SFXN5: variants seen among roughly 807,000 people sequenced by gnomAD.
The protein encoded by SFXN5 is sideroflexin-5.
Under a neutral mutation model 50.2 loss-of-function variants are expected in SFXN5, and 43 were observed. The observed-to-expected ratio is 0.86, with a 90% CI of 0.67 to 1.11. The LOEUF (loss-of-function observed/expected upper bound fraction) is 1.11. Ranked by LOEUF, SFXN5 falls within the 50% of genes least tolerant of loss-of-function variation. The pLI is 0.00. For missense variants in SFXN5, 463 were observed against 454.1 expected, an observed-to-expected ratio of 1.02 and a Z score of -0.18; for synonymous variants, 203 against 185.8, an observed-to-expected ratio of 1.09 and a Z score of -0.75.
chr2:73,050,254 C>T (rs1169762704), intron 2 of SFXN5, among the ~76,000 whole-genome samples: 1 of 152,156 alleles, frequency 6.6e-6, no homozygotes, highest in African/African-American at 2.4e-5. Flanking sequence ...ACAGCCCTAT[C>T]CCCACAATGC....
chr2:73,036,734 G>C (rs949399303), intron 3 of SFXN5, among the ~76,000 whole-genome samples: 5 of 152,238 alleles, frequency 3.3e-5, no homozygotes, highest in Non-Finnish European at 7.3e-5. Context: ...CACATGGTCA[G>C]GAGGCCATAG....
chr2:72,966,086 TC>T (rs1034251389), intron 12 of SFXN5, among the ~76,000 whole-genome samples: 6 of 152,226 alleles, frequency 3.9e-5, no homozygotes, highest in African/African-American at 1.4e-4. Flanking sequence ...GCTCCCAGGC[TC>T]CCTCAGTTGC....
At position 73,022,573 on chromosome 2, in the gene SFXN5, T is replaced by C. The variant is rs1254996778; in HGVS notation, c.280A>G (p.Ile94Val). Residue 94 changes from isoleucine to valine, a missense_variant, in exon 5 of 14, where the codon ATT becomes GTT. Coordinates refer to ENST00000272433, the MANE Select transcript of SFXN5 (RefSeq NM_144579.3). ...LWSAQKIKQAILHPDTNEKIF... is the reference protein window; with the variant it reads ...LWSAQKIKQAVLHPDTNEKIF... Reference sequence around the variant, plus strand: ...TTCTCATTGGTGTCCGGATGTAGAATAGCCTGGCAAAAGCAGGAACAGAGA... The same window carrying C: ...TTCTCATTGGTGTCCGGATGTAGAACAGCCTGGCAAAAGCAGGAACAGAGA... 2.8e-6 allele frequency: 4 copies of C among 1,406,282 alleles called. No homozygotes were observed. The highest frequency in any genetic ancestry group is 1.6e-5 in the African/African-American group (1 of 61,612). The allele number at this position is 1,406,282 out of a possible 1,614,324, so 87.1% of individuals were successfully genotyped here.
intron 12 of SFXN5, among the ~76,000 whole-genome samples, chr2:72,966,553 A>G (rs1345905124): frequency 6.6e-6 from 1 of 152,146 alleles, no homozygotes; most frequent in Non-Finnish European, 1.5e-5. Flanking sequence ...TGCCATGCCC[A>G]TGCTCAGGTA....
chr2:73,035,487 C>T (rs965305303), intron 3 of SFXN5, among the ~76,000 whole-genome samples: 70 of 148,450 alleles, frequency 4.7e-4, no homozygotes, highest in Non-Finnish European at 9.4e-4. Context: ...TCATTGGTAT[C>T]GCAATCTTTT....
At position 72,968,655 on chromosome 2, in the gene SFXN5, G is replaced by T. The variant is rs543631428; in HGVS notation, c.742-122C>A. On this transcript the variant is annotated intron_variant, in intron 11 of 13. Coordinates refer to ENST00000272433, the MANE Select transcript of SFXN5 (RefSeq NM_144579.3). The stretch of plus-strand genomic sequence containing the variant: ...GTGTGTCTGAATGGCCTTATTCATG[G>T]GATTGCTCAGGAAGCTGCATTCCAA... 2.0e-4 allele frequency: 153 copies of T among 781,638 alleles called. No homozygotes were observed. In the African/African-American group the frequency reaches 2.5e-3, roughly 13 times the overall value. The allele number at this position is 781,638 out of a possible 1,614,324, so 48.4% of individuals were successfully genotyped here.
At chr2:73,023,114 A>T in intron 4 of SFXN5, 74 bp downstream of exon 4, 1 of 1,485,972 alleles carries the variant, frequency 6.7e-7, no homozygotes, top group Non-Finnish European at 9.2e-7. Context: ...GGCTTCCACT[A>T]GATCCCTGGG....
intron 9 of SFXN5, chr2:72,998,340 G>A (rs1673492679): frequency 6.6e-6 from 1 of 152,440 alleles, no homozygotes; most frequent in Admixed American, 6.5e-5. Flanking sequence ...GGCCTCCTCT[G>A]GGAAGCAGGG....
chr2:72,984,959 T>A (rs1404046433), intron 10 of SFXN5, among the ~76,000 whole-genome samples: 3 of 152,058 alleles, frequency 2.0e-5, no homozygotes, highest in Non-Finnish European at 4.4e-5. Flanking sequence ...TCTTGGGGAT[T>A]CCTTGTTCCC....
chr2:72,954,299 A>G (rs1672841448), intron 13 of SFXN5, among the ~76,000 whole-genome samples: 1 of 151,854 alleles, frequency 6.6e-6, no homozygotes, highest in African/African-American at 2.4e-5. Flanking sequence ...GCCCTGGGAG[A>G]CTCTTAGGCT....
At chr2:73,062,741 T>A (rs1259015547) in intron 1 of SFXN5, among the ~76,000 whole-genome samples, 1 of 151,664 alleles carries the variant, frequency 6.6e-6, no homozygotes, top group Non-Finnish European at 1.5e-5. Flanking sequence ...CTGATCAGAG[T>A]TTAAATGAAG....
At chr2:73,057,321 T>C (rs1056025412) in intron 2 of SFXN5, among the ~76,000 whole-genome samples, 2 of 152,136 alleles carry the variant, frequency 1.3e-5, no homozygotes, top group African/African-American at 2.4e-5. Flanking sequence ...TAAAATTTTG[T>C]AGAGACAAGT....
In SFXN5 at chr2:72,988,348, C is replaced by G; in HGVS notation, c.535G>C (p.Val179Leu). The G allele has an allele frequency of 1.2e-6, 2 of 1,613,386 alleles. No homozygotes were observed. Among genetic ancestry groups the G allele is most frequent in the Non-Finnish European group, 1.7e-6 (2 of 1,179,634 alleles). ...GAVISAVSIAVGLNVLVQKAN... is the reference protein window; with the variant it reads ...GAVISAVSIALGLNVLVQKAN... Reference sequence around the variant, plus strand: ...TTCTGAACCAGGACATTAAGGCCCACCTTTGAAAGAAAAAAATAAAAACAC... The same window carrying G: ...TTCTGAACCAGGACATTAAGGCCCAGCTTTGAAAGAAAAAAATAAAAACAC... The change falls in exon 10 of 14, where the codon GTG becomes CTG. Residue 179 changes from valine (V) to leucine (L), a missense_variant and splice_region_variant. Physicochemically the swap from Val to Leu is conservative, Grantham distance 32. Transcript: ENST00000272433.
At chr2:73,013,327 C>T (rs1449913986) in intron 6 of SFXN5, among the ~76,000 whole-genome samples, 1 of 150,990 alleles carries the variant, frequency 6.6e-6, no homozygotes, top group African/African-American at 2.4e-5. Context: ...ATATATAATG[C>T]AAGTCATTTA....
intron 6 of SFXN5, among the ~76,000 whole-genome samples, chr2:73,008,627 G>A (rs1022567295): frequency 1.3e-5 from 2 of 152,200 alleles, no homozygotes; most frequent in Admixed American, 1.3e-4. Context: ...GGGGAAACCT[G>A]GGAAGGGAGA....
rs868538832 is a variant in SFXN5 at position 73,015,869 on chromosome 2, T to C, written c.357+4370A>G. ...GGAGGGATCACTTGATCCCAGGAATTTGAGGCTGCAGTGGGCCATGATCGC... is the reference window on the plus strand; with the variant it reads ...GGAGGGATCACTTGATCCCAGGAATCTGAGGCTGCAGTGGGCCATGATCGC... On this transcript the variant is annotated intron_variant, in intron 6 of 13. Transcript: ENST00000272433. Among the ~76,000 whole-genome samples the C allele has an allele frequency of 1.6e-4, 25 of 151,998 alleles. No homozygotes were observed. The Middle Eastern group carries it at 0.01, about 62-fold the overall frequency.
intron 6 of SFXN5, among the ~76,000 whole-genome samples, chr2:73,015,825 A>C (rs754104074): frequency 5.9e-5 from 9 of 151,890 alleles, no homozygotes; most frequent in Non-Finnish European, 1.3e-4. Context: ...TAATCCCAAC[A>C]CTTTGGGAGG....
chr2:73,025,500 G>A (rs79883802), intron 3 of SFXN5, among the ~76,000 whole-genome samples: 230 of 152,286 alleles, frequency 1.5e-3, no homozygotes, highest in South Asian at 4.4e-3. Context: ...TTCTGGTAAG[G>A]CACGGTGAAG....
chr2:72,981,265 A>C (rs1308274750), intron 10 of SFXN5: 1 of 152,114 alleles, frequency 6.6e-6, no homozygotes, highest in East Asian at 1.9e-4. Flanking sequence ...TTCTATCTTT[A>C]GTAATGCAGC....
Sources: gnomAD v4.1 joint callset for allele counts (sites outside exome capture counted in the v4.1 genomes callset) on GRCh38, gnomAD v4.1.1 for gene constraint, MANE v1.5 for transcripts, NCBI Gene and HGNC (gene_info 2026-07-23, HGNC 2026-07-21) for gene names.